KCNAB1: variants seen among roughly 807,000 people sequenced by gnomAD.
KCNAB1 encodes the protein potassium voltage-gated channel subfamily A regulatory beta subunit 1, also known as voltage-gated potassium channel subunit beta-1.
KCNAB1 carries 35 observed loss-of-function variants against 64.6 expected under a neutral mutation model. The observed-to-expected ratio is 0.54, with a 90% CI of 0.41 to 0.72. The LOEUF is 0.72. Ranked by LOEUF, KCNAB1 falls within the 30% of genes least tolerant of loss-of-function variation. The probability of loss-of-function intolerance (pLI) is 0.00; values close to 1 mark genes in which losing one functional copy is unlikely to be tolerated. For synonymous variants in KCNAB1, 177 were observed against 183.8 expected (o/e 0.96, Z 0.30); for missense variants, 401 against 512.9 (o/e 0.78, Z 2.11).
chr3:156,161,952 G>A (rs907756542), intron 1 of KCNAB1, among the ~76,000 whole-genome samples: 3 of 152,208 alleles, frequency 2.0e-5, no homozygotes, highest in Non-Finnish European at 4.4e-5. Flanking sequence ...ATAATAGCAT[G>A]TTTTGCTTAT....
At chr3:156,292,022 A>C in intron 1 of KCNAB1, 1 of 1,614,172 alleles carries the variant, frequency 6.2e-7, no homozygotes, top group Non-Finnish European at 8.5e-7. Context: ...AGCCCGGGCC[A>C]AATTCCGCAC....
chr3:156,357,917 A>G (rs902877717), intron 1 of KCNAB1, among the ~76,000 whole-genome samples: 2 of 151,682 alleles, frequency 1.3e-5, no homozygotes, highest in Non-Finnish European at 2.9e-5. Flanking sequence ...GTTTTATGAG[A>G]AATCCTTAAT....
At chr3:156,418,628 C>T (rs2108221497) in intron 1 of KCNAB1, among the ~76,000 whole-genome samples, 1 of 152,302 alleles carries the variant, frequency 6.6e-6, no homozygotes, top group Non-Finnish European at 1.5e-5. Context: ...TTCCTCCTAC[C>T]TTCTCCAGCT....
chr3:156,328,201 C>T (rs1723104339), intron 1 of KCNAB1, among the ~76,000 whole-genome samples: 1 of 152,010 alleles, frequency 6.6e-6, no homozygotes, highest in African/African-American at 2.4e-5. Context: ...GAAACAAGGA[C>T]GATGGTAAAT....
chr3:156,370,048 T>G (rs1560221686), intron 1 of KCNAB1, among the ~76,000 whole-genome samples: 1 of 152,228 alleles, frequency 6.6e-6, no homozygotes, highest in Non-Finnish European at 1.5e-5. Context: ...ATATAATGCT[T>G]TCACTTTCCA....
At chr3:156,237,009 C>T (rs1040012367) in intron 1 of KCNAB1, among the ~76,000 whole-genome samples, 7 of 151,968 alleles carry the variant, frequency 4.6e-5, no homozygotes, top group East Asian at 1.9e-4. Context: ...TGAGTGTAGG[C>T]GATGAACTGG....
chr3:156,531,284 T>C (rs752756320), intron 12 of KCNAB1, 125 bp from the exon 13 acceptor site: 12 of 770,974 alleles, frequency 1.6e-5, no homozygotes, highest in African/African-American at 3.4e-5. Flanking sequence ...TAGGAAGCAC[T>C]GTACATCCTC....
chr3:156,141,321 T>C (rs1714694781), intron 1 of KCNAB1, among the ~76,000 whole-genome samples: 2 of 152,166 alleles, frequency 1.3e-5, no homozygotes, highest in African/African-American at 2.4e-5. Context: ...TATTGATTGA[T>C]GTGACCACTA....
At chr3:156,357,079 T>C (rs1725289585) in intron 1 of KCNAB1, among the ~76,000 whole-genome samples, 3 of 151,936 alleles carry the variant, frequency 2.0e-5, no homozygotes, top group Admixed American at 2.0e-4. Context: ...CACAATGAAA[T>C]ACAGATTTAT....
At position 156,143,569 on chromosome 3, in the gene KCNAB1, G is replaced by GTTTTTTTT. The variant is rs56216211; in HGVS notation, c.275+22704_275+22711dup. 2.3e-4 allele frequency: 69 copies of GTTTTTTTT among 297,008 alleles called. 2 individuals are homozygous for GTTTTTTTT. Among genetic ancestry groups the GTTTTTTTT allele is most frequent in the African/African-American group, 8.7e-4 (30 of 34,332 alleles). 18.4% of individuals were successfully genotyped at this position (297,008 alleles called of 1,614,324 possible). On this transcript the variant is annotated intron_variant, in intron 1 of 13. Coordinates refer to ENST00000490337, the MANE Select transcript of KCNAB1 (RefSeq NM_172160.3). ...AGCCCTCTTCTTGGGTTGCATTCTT[G>GTTTTTTTT]TTTTTTTTTTTTTTTTTTTTTTTTT...
chr3:156,129,896 A>G (rs905562539), intron 1 of KCNAB1, among the ~76,000 whole-genome samples: 10 of 152,132 alleles, frequency 6.6e-5, no homozygotes, highest in African/African-American at 2.4e-4. Context: ...ATTTTCATTC[A>G]TACCCTGATT....
intron 1 of KCNAB1, among the ~76,000 whole-genome samples, chr3:156,418,326 G>A (rs1005356898): frequency 1.3e-5 from 2 of 152,164 alleles, no homozygotes; most frequent in Non-Finnish European, 2.9e-5. Flanking sequence ...AATTCTACAT[G>A]AGTGAGATAA....
chr3:156,468,084 A>T (rs1364805293), intron 7 of KCNAB1, among the ~76,000 whole-genome samples: 2 of 152,046 alleles, frequency 1.3e-5, no homozygotes, highest in Non-Finnish European at 2.9e-5. Flanking sequence ...ATTTTCTCTC[A>T]GGCTGTCGTT....
At position 156,352,250 on chromosome 3, in the gene KCNAB1, C is replaced by G. The variant is rs573143660; in HGVS notation, c.276-69366C>G. Among the ~76,000 whole-genome samples, 4 of 152,362 alleles carry G rather than the reference C, an allele frequency of 2.6e-5. No homozygotes were observed. In the South Asian group the frequency reaches 8.3e-4, roughly 32 times the overall value. ...TCAATGTCTAGTTCTCTTCCTTCCT[C>G]TGGCTGCCTCCCTTTCCCATTGTAA... On this transcript the variant is annotated intron_variant, in intron 1 of 13. Coordinates refer to ENST00000490337, the MANE Select transcript of KCNAB1 (RefSeq NM_172160.3).
intron 1 of KCNAB1, among the ~76,000 whole-genome samples, chr3:156,350,506 CAAAAAAAAA>C (rs60606856): frequency 1.0e-5 from 1 of 98,932 alleles, no homozygotes; most frequent in Non-Finnish European, 2.2e-5. Flanking sequence ...GACCCTGTCT[CAAAAAAAAA>C]AAAAAAAAGA....
intron 5 of KCNAB1, among the ~76,000 whole-genome samples, chr3:156,460,876 G>GTTTA (rs1195096565): frequency 6.6e-6 from 1 of 152,160 alleles, no homozygotes; most frequent in East Asian, 1.9e-4. Flanking sequence ...TTTTAGGGCT[G>GTTTA]CTTACTCCCC....
At chr3:156,480,695 A>G (rs1425105135) in intron 8 of KCNAB1, among the ~76,000 whole-genome samples, 1 of 152,086 alleles carries the variant, frequency 6.6e-6, no homozygotes, top group Non-Finnish European at 1.5e-5. Context: ...AAGTCTTTGA[A>G]ATCAGTTGTG....
At chr3:156,237,695 T>C (rs905268627) in intron 1 of KCNAB1, among the ~76,000 whole-genome samples, 3 of 152,204 alleles carry the variant, frequency 2.0e-5, no homozygotes, top group Non-Finnish European at 4.4e-5. Context: ...AGTGGCTGTT[T>C]TCTTAACATT....
In KCNAB1 at chr3:156,324,447, C is replaced by T. The variant is rs190671230; in HGVS notation, c.276-97169C>T. Among the ~76,000 whole-genome samples, 14 of 152,246 alleles carry T rather than the reference C, an allele frequency of 9.2e-5. No individual in the cohort carries two copies. In the East Asian group the frequency reaches 1.5e-3, roughly 17 times the overall value. On this transcript the variant is annotated intron_variant, in intron 1 of 13. Transcript: ENST00000490337. ...TTGCCCATGTATGTTTCCCATGAAT[C>T]GGTGCCATTTTAGTGATTATGTTGA... is the stretch of plus-strand genomic sequence containing the variant.
Sources: allele counts gnomAD v4.1 joint callset (sites outside exome capture counted in the v4.1 genomes callset), GRCh38; gene constraint gnomAD v4.1.1; transcripts MANE v1.5; gene names NCBI Gene and HGNC (gene_info 2026-07-23, HGNC 2026-07-21).